The following SLC30A9 variants were observed in gnomAD, a reference collection of about 807,000 sequenced individuals.
The protein encoded by SLC30A9 is proton-coupled zinc antiporter SLC30A9, mitochondrial.
SLC30A9 carries 58 observed loss-of-function variants against 87.5 expected under a neutral mutation model. The observed-to-expected ratio is 0.66, with a 90% confidence interval of 0.54 to 0.82. SLC30A9 has a LOEUF of 0.82. Among genes scored for constraint, SLC30A9 ranks in the 40% least tolerant of loss-of-function variants. SLC30A9 has a pLI of 0.00. For missense variants in SLC30A9, 557 were observed against 679.1 expected, an observed-to-expected ratio of 0.82 and a Z score of 2.00; for synonymous variants, 234 against 233.0, an observed-to-expected ratio of 1.00 and a Z score of -0.04.
In SLC30A9 at chr4:42,049,362, C is replaced by T. The variant is rs756107384; in HGVS notation, c.738-15C>T. 19 of 1,555,058 alleles carry T rather than the reference C, an allele frequency of 1.2e-5. No individual in the cohort carries two copies. Among genetic ancestry groups the T allele is most frequent in the Admixed American group, 1.8e-5 (1 of 56,640 alleles). On this transcript the variant is annotated splice_polypyrimidine_tract_variant and intron_variant, in intron 8 of 17. Coordinates refer to ENST00000264451, the MANE Select transcript of SLC30A9 (RefSeq NM_006345.4). ...GTCCAAACCTATGCTAAATTGTTTT[C>T]TCTTTCTCTTCTAGCAATGGATTAA...
At chr4:42,034,442 G>T (rs74542222) in intron 6 of SLC30A9, among the ~76,000 whole-genome samples, 1 of 30,416 alleles carries the variant, frequency 3.3e-5, no homozygotes, top group African/African-American at 4.3e-5. Context: ...GCCACCCCCC[G>T]GTCCCTGGCA....
In SLC30A9 at chr4:42,047,208, A is replaced by G. The variant is rs185770801; in HGVS notation, c.738-2169A>G. The stretch of plus-strand genomic sequence containing the variant: ...GACTTTCACACCAAAAGCAATGGGA[A>G]CAAAAGCCAAAATTGACAAATGGGA... On this transcript the variant is annotated intron_variant, in intron 8 of 17. Coordinates refer to ENST00000264451, the MANE Select transcript of SLC30A9 (RefSeq NM_006345.4). Among the ~76,000 whole-genome samples, 9 of 152,340 alleles carry G rather than the reference A, an allele frequency of 5.9e-5. 1 individual carries two copies. In the East Asian group the frequency reaches 1.7e-3, roughly 29 times the overall value.
chr4:41,997,062 A>AAATAAATAAATAAATG (rs1714749378), intron 1 of SLC30A9, among the ~76,000 whole-genome samples: 1 of 151,138 alleles, frequency 6.6e-6, no homozygotes, highest in Admixed American at 6.6e-5. Flanking sequence ...ATAAATAAAT[A>AAATAAATAAATAAATG]AAAATGAAAA....
At position 42,053,686 on chromosome 4, in the gene SLC30A9, C is replaced by T. The variant is rs1023123816; in HGVS notation, c.840+4207C>T. On this transcript the variant is annotated intron_variant, in intron 9 of 17. Transcript: ENST00000264451. ...ACTCCAGCCTGGATGACAAGAGTGA[C>T]TCGGTCTCCAAAAAAAAAAAAAAAA... 3.5e-4 allele frequency among the ~76,000 whole-genome samples: 33 copies of T among 93,906 alleles called. 1 individual carries two copies. The highest frequency in any genetic ancestry group is 1.5e-3 in the African/African-American group (33 of 21,556). 61.6% of individuals were successfully genotyped at this position (93,906 alleles called of 152,430 possible).
intron 2 of SLC30A9, among the ~76,000 whole-genome samples, chr4:42,006,709 G>A (rs1715217954): frequency 6.6e-6 from 1 of 151,602 alleles, no homozygotes; most frequent in African/African-American, 2.4e-5. Context: ...AAAAAAGTAG[G>A]TATGGATGTG....
At chr4:42,011,732 A>G (rs1222502973) in intron 2 of SLC30A9, among the ~76,000 whole-genome samples, 1 of 152,232 alleles carries the variant, frequency 6.6e-6, no homozygotes, top group Non-Finnish European at 1.5e-5. Flanking sequence ...AATAAGTTTA[A>G]TGTTCTCAAA....
Position 42,028,872 on chromosome 4 carries a change from TG to T in SLC30A9, c.610+5490del, listed in dbSNP as rs1313498193. 7.2e-5 allele frequency among the ~76,000 whole-genome samples: 11 copies of T among 152,296 alleles called. No homozygotes were observed. In the South Asian group the frequency reaches 2.3e-3, roughly 32 times the overall value. On this transcript the variant is annotated intron_variant, in intron 6 of 17. Coordinates refer to ENST00000264451, the MANE Select transcript of SLC30A9 (RefSeq NM_006345.4). ...TCAACCACTATTATCAAACACTGAG[TG>T]GCTTAGAAAATTAGGTTTTGCTGCA...
chr4:42,003,810 C>G (rs1715081914), intron 2 of SLC30A9, among the ~76,000 whole-genome samples: 1 of 151,938 alleles, frequency 6.6e-6, no homozygotes, highest in Non-Finnish European at 1.5e-5. Flanking sequence ...TATTCTCTTT[C>G]TCTCATTTGA....
intron 2 of SLC30A9, among the ~76,000 whole-genome samples, chr4:42,013,353 C>T (rs991111432): frequency 2.6e-5 from 4 of 152,024 alleles, no homozygotes; most frequent in South Asian, 2.1e-4. Context: ...ATTTATTTTT[C>T]GTCTTACTCT....
chr4:42,008,178 G>C (rs549112463), intron 2 of SLC30A9, among the ~76,000 whole-genome samples: 1 of 152,214 alleles, frequency 6.6e-6, no homozygotes, highest in Admixed American at 6.5e-5. Context: ...CTCTAGTTGC[G>C]TTCTCTTTCC....
intron 2 of SLC30A9, 90 bp downstream of exon 2, chr4:42,001,870 C>A (rs1446296914): frequency 2.4e-6 from 2 of 840,188 alleles, no homozygotes; most frequent in Admixed American, 3.0e-5. Context: ...ATAGAACTTA[C>A]TTATAATACT....
intron 10 of SLC30A9, 74 bp downstream of exon 10, chr4:42,060,320 T>C: frequency 8.6e-7 from 1 of 1,163,310 alleles, no homozygotes; most frequent in South Asian, 1.2e-5. Context: ...ATCAGAAATC[T>C]CCTGCAATTT....
intron 8 of SLC30A9, among the ~76,000 whole-genome samples, chr4:42,041,630 G>A (rs1716927387): frequency 6.6e-6 from 1 of 152,168 alleles, no homozygotes; most frequent in Non-Finnish European, 1.5e-5. Flanking sequence ...GACCTACTCA[G>A]GAAGCTGAGG....
chr4:42,004,204 C>G (rs1715102377), intron 2 of SLC30A9, among the ~76,000 whole-genome samples: 2 of 152,144 alleles, frequency 1.3e-5, no homozygotes, highest in Admixed American at 6.5e-5. Context: ...TATATTTTTT[C>G]TATTTGACAG....
intron 8 of SLC30A9, among the ~76,000 whole-genome samples, chr4:42,044,190 A>G (rs1359127073): frequency 6.6e-6 from 1 of 152,198 alleles, no homozygotes; most frequent in Non-Finnish European, 1.5e-5. Context: ...TAATGACAGG[A>G]TCAGATTCAC....
intron 6 of SLC30A9, among the ~76,000 whole-genome samples, chr4:42,033,855 A>T (rs147602224): frequency 2.0e-5 from 3 of 152,184 alleles, no homozygotes; most frequent in African/African-American, 2.4e-5. Flanking sequence ...GATTACAGGC[A>T]TGAGCCACCG....
intron 1 of SLC30A9, among the ~76,000 whole-genome samples, chr4:41,996,345 C>T (rs918782230): frequency 1.2e-4 from 18 of 151,688 alleles, no homozygotes; most frequent in Non-Finnish European, 2.5e-4. Context: ...ATCCACCTGC[C>T]TTGGCCTCCC....
chr4:42,060,132 C>T, intron 9 of SLC30A9, 59 bp from the exon 10 acceptor site: 2 of 1,330,760 alleles, frequency 1.5e-6, no homozygotes, highest in South Asian at 2.4e-5. Flanking sequence ...ATTGGCTTTA[C>T]CATATTATAC....
At position 42,023,085 on chromosome 4, in the gene SLC30A9, C is replaced by T. The variant is rs138220629; in HGVS notation, c.527+155C>T. ...TATTTGTGAGTTACTAATATGTACT[C>T]CTTAACTAAATATATGTCATAATGT... On this transcript the variant is annotated intron_variant, in intron 5 of 17. Transcript: ENST00000264451. 3.0e-3 allele frequency among the ~76,000 whole-genome samples: 450 copies of T among 152,218 alleles called. 2 individuals carry two copies. Among genetic ancestry groups the T allele is most frequent in the African/African-American group, 0.01 (432 of 41,532 alleles).
Sources: allele counts gnomAD v4.1 joint callset (sites outside exome capture counted in the v4.1 genomes callset), GRCh38; gene constraint gnomAD v4.1.1; transcripts MANE v1.5; gene names NCBI Gene and HGNC (gene_info 2026-07-23, HGNC 2026-07-21).